Variants in LRP1B observed in about 807,000 individuals in gnomAD.
The protein encoded by LRP1B is low-density lipoprotein receptor-related protein 1B.
A neutral mutation model predicts 556.6 loss-of-function variants in LRP1B; 217 were observed. The observed-to-expected ratio is 0.39, with a 90% confidence interval of 0.35 to 0.44. The LOEUF (loss-of-function observed/expected upper bound fraction) is 0.44. Ranked by LOEUF, LRP1B falls within the 20% of genes least tolerant of loss-of-function variation. LRP1B has a pLI of 1.00. For synonymous variants in LRP1B, 2,047 were observed against 1,865.8 expected (o/e 1.10, Z -2.50); for missense variants, 5,053 against 5,620.8 (o/e 0.90, Z 3.23).
chr2:140,909,986 A>G (rs1694368826), intron 21 of LRP1B, among the ~76,000 whole-genome samples: 1 of 151,304 alleles, frequency 6.6e-6, no homozygotes, highest in African/African-American at 2.4e-5. Context: ...GGATTAGTAC[A>G]GATAATAATT....
intron 41 of LRP1B, among the ~76,000 whole-genome samples, chr2:140,694,362 T>C (rs989195525): frequency 3.3e-5 from 5 of 152,200 alleles, no homozygotes; most frequent in East Asian, 3.8e-4. Context: ...TCTTTAATAA[T>C]TCAGTTATAG....
intron 43 of LRP1B, among the ~76,000 whole-genome samples, chr2:140,561,932 A>T (rs1040965766): frequency 5.9e-5 from 9 of 152,106 alleles, no homozygotes; most frequent in African/African-American, 1.4e-4. Flanking sequence ...TTTAATATTT[A>T]AAAAAGATTA....
chr2:140,540,883 T>C, intron 45 of LRP1B, 90 bp downstream of exon 45: 1 of 1,386,902 alleles, frequency 7.2e-7, no homozygotes. Flanking sequence ...GAAGAGAGTA[T>C]AACTTCATGA....
At chr2:140,852,639 CT>C (rs1483067143) in intron 27 of LRP1B, among the ~76,000 whole-genome samples, 1 of 152,148 alleles carries the variant, frequency 6.6e-6, no homozygotes, top group Non-Finnish European at 1.5e-5. Flanking sequence ...TCATCTACTT[CT>C]TTGTTACTTT....
At chr2:140,678,930 A>T (rs1056127868) in intron 41 of LRP1B, among the ~76,000 whole-genome samples, 2 of 152,234 alleles carry the variant, frequency 1.3e-5, no homozygotes, top group East Asian at 1.9e-4. Flanking sequence ...GGCACCTGCC[A>T]TCATGCCCTG....
intron 10 of LRP1B, among the ~76,000 whole-genome samples, chr2:141,049,780 C>T (rs1698981765): frequency 6.6e-6 from 1 of 151,876 alleles, no homozygotes; most frequent in Non-Finnish European, 1.5e-5. Context: ...AATTAAATAC[C>T]AGTTATAGCA....
intron 22 of LRP1B, among the ~76,000 whole-genome samples, chr2:140,905,547 C>T (rs1694226271): frequency 6.6e-6 from 1 of 152,114 alleles, no homozygotes; most frequent in African/African-American, 2.4e-5. Flanking sequence ...CTCTCATTCT[C>T]CCTCCCAGCC....
intron 62 of LRP1B, among the ~76,000 whole-genome samples, chr2:140,456,134 G>A (rs1687098448): frequency 2.0e-5 from 3 of 152,258 alleles, no homozygotes; most frequent in African/African-American, 7.2e-5. Flanking sequence ...GTGACATGGA[G>A]CAGATTATCT....
At chr2:140,700,645 C>T (rs2105422348) in intron 40 of LRP1B, 24 bp from the exon 41 acceptor site, 2 of 1,602,632 alleles carry the variant, frequency 1.2e-6, no homozygotes, top group South Asian at 2.3e-5. Context: ...ATGATACACA[C>T]ATGCACATGT....
intron 66 of LRP1B, among the ~76,000 whole-genome samples, chr2:140,403,030 A>G (rs960741676): frequency 6.6e-6 from 1 of 152,292 alleles, no homozygotes; most frequent in South Asian, 2.1e-4. Context: ...CAAGGAACTC[A>G]TACAGTCTTC....
intron 86 of LRP1B, among the ~76,000 whole-genome samples, chr2:140,264,812 A>G (rs1181297359): frequency 1.3e-5 from 2 of 151,910 alleles, no homozygotes; most frequent in East Asian, 1.9e-4. Context: ...AATATTTACT[A>G]TATCTATGTG....
At chr2:140,897,545 G>A (rs952190674) in intron 23 of LRP1B, among the ~76,000 whole-genome samples, 2 of 152,198 alleles carry the variant, frequency 1.3e-5, no homozygotes, top group African/African-American at 4.8e-5. Flanking sequence ...GTTGCCAAAG[G>A]AGATTAACAT....
intron 7 of LRP1B, among the ~76,000 whole-genome samples, chr2:141,118,042 C>A (rs948783542): frequency 6.6e-6 from 1 of 151,982 alleles, no homozygotes; most frequent in Admixed American, 6.6e-5. Context: ...AGGAAAAAGC[C>A]TGGTACATTA....
chr2:141,350,991 T>C (rs938472948), intron 3 of LRP1B, among the ~76,000 whole-genome samples: 2 of 152,010 alleles, frequency 1.3e-5, no homozygotes, highest in African/African-American at 2.4e-5. Context: ...GACAAGAATT[T>C]AAAAAAATTT....
At chr2:141,038,455 G>A (rs1267802229) in intron 11 of LRP1B, among the ~76,000 whole-genome samples, 1 of 152,062 alleles carries the variant, frequency 6.6e-6, no homozygotes, top group Non-Finnish European at 1.5e-5. Flanking sequence ...AAAGATTACT[G>A]AGTACATTTT....
Position 141,116,681 on chromosome 2 carries a change from T to C in LRP1B, c.1014-54408A>G, listed in dbSNP as rs376253771. ...ATAGAAAAAATTGACGTCTGAAGTA[T>C]GTATTTGATTTCCTTGAAGTAATAC... On this transcript the variant is annotated intron_variant, in intron 7 of 90. Coordinates refer to ENST00000389484, the MANE Select transcript of LRP1B (RefSeq NM_018557.3). Among the ~76,000 whole-genome samples the C allele has an allele frequency of 3.3e-5, 5 of 152,232 alleles. No homozygotes were observed. The East Asian group carries it at 9.6e-4, about 29-fold the overall frequency.
intron 2 of LRP1B, among the ~76,000 whole-genome samples, chr2:141,765,944 T>G (rs1694719105): frequency 1.3e-5 from 2 of 152,184 alleles, no homozygotes; most frequent in African/African-American, 2.4e-5. Flanking sequence ...AAGTTTATGA[T>G]GTACCGAGTT....
rs78121329 is a variant in LRP1B, at chr2:140,300,893, C to T, written c.12806-2924G>A. Among the ~76,000 whole-genome samples, 723 of 152,124 alleles carry T rather than the reference C, an allele frequency of 4.8e-3. 3 individuals carry two copies. Among genetic ancestry groups the T allele is most frequent in the African/African-American group, 0.016 (667 of 41,520 alleles). On this transcript the variant is annotated intron_variant, in intron 83 of 90. Transcript: ENST00000389484. ...ATATTTTAGCTCTGATTATTATTATCGTTATTGTTATTATTTCTATTGAGT... is the reference window on the plus strand; with the variant it reads ...ATATTTTAGCTCTGATTATTATTATTGTTATTGTTATTATTTCTATTGAGT...
chr2:140,953,166 T>C (rs1283843033), intron 18 of LRP1B, among the ~76,000 whole-genome samples: 4 of 152,132 alleles, frequency 2.6e-5, no homozygotes, highest in African/African-American at 9.7e-5. Context: ...TCCAGACTAA[T>C]TGAAACCTCT....
Sources: allele counts gnomAD v4.1 joint callset (sites outside exome capture counted in the v4.1 genomes callset), GRCh38; gene constraint gnomAD v4.1.1; transcripts MANE v1.5; gene names NCBI Gene and HGNC (gene_info 2026-07-23, HGNC 2026-07-21).